Variants in C11orf16 observed in about 807,000 individuals in gnomAD.
The protein encoded by C11orf16 is uncharacterized protein C11orf16.
A neutral mutation model predicts 45.1 loss-of-function variants in C11orf16; 38 were observed. That is an observed-to-expected ratio of 0.84 (90% CI 0.65 to 1.10). C11orf16 has a LOEUF of 1.10. C11orf16 is among the 50% of genes least tolerant of loss of function. The pLI is 0.00. For missense variants in C11orf16, 583 were observed against 569.5 expected (o/e 1.02, Z -0.24); for synonymous variants, 221 against 222.0 (o/e 1.00, Z 0.04).
At chr11:8,922,070 G>A (rs1166516853) in intron 5 of C11orf16, among the ~76,000 whole-genome samples, 1 of 152,244 alleles carries the variant, frequency 6.6e-6, no homozygotes, top group Non-Finnish European at 1.5e-5. Flanking sequence ...GAGTTGTGAA[G>A]AAGTTATTGG....
intron 5 of C11orf16, among the ~76,000 whole-genome samples, chr11:8,923,275 C>G (rs960455694): frequency 6.6e-6 from 1 of 152,150 alleles, no homozygotes; most frequent in African/African-American, 2.4e-5. Flanking sequence ...GAGCAAGTCA[C>G]AGCAATGGGA....
At chr11:8,925,077 T>C (rs2134833120) in intron 5 of C11orf16, among the ~76,000 whole-genome samples, 1 of 152,210 alleles carries the variant, frequency 6.6e-6, no homozygotes, top group Admixed American at 6.5e-5. Flanking sequence ...GTGCATCAAC[T>C]CTGATCAACA....
intron 6 of C11orf16, among the ~76,000 whole-genome samples, 169 bp from the exon 7 acceptor site, chr11:8,920,619 A>G (rs922372200): frequency 6.6e-6 from 1 of 152,216 alleles, no homozygotes; most frequent in African/African-American, 2.4e-5. Flanking sequence ...CCTAGTAATC[A>G]AGACCAGCCT....
At position 8,925,606 on chromosome 11, in the gene C11orf16, C is replaced by T. The variant is rs2064604552; in HGVS notation, c.1061G>A (p.Gly354Asp). 1.2e-6 allele frequency: 2 copies of T among 1,614,246 alleles called. No individual in the cohort carries two copies. Among genetic ancestry groups the T allele is most frequent in the African/African-American group, 1.3e-5 (1 of 75,068 alleles). The change falls in exon 5 of 7, where the codon GGC becomes GAC. Residue 354 changes from glycine to aspartate, a missense_variant. By Grantham distance (94) the Gly-to-Asp change is moderately conservative. Transcript: ENST00000326053. ...GTTCACCATCAGTCTCTGGGGAGGG[C>T]CCATCTCCAGATCATTCTCCACACC... ...QDGVENDLEM[G>D]PPQRLMVNSA...
rs555045528 is a variant in C11orf16 at position 8,931,119 on chromosome 11, C to T, written c.167+1023G>A. On this transcript the variant is annotated intron_variant, in intron 2 of 6. Transcript: ENST00000326053. Reference sequence around the variant, plus strand: ...GACTGAGGATCCTATTCAGGAAAATCCTGGACAAAGGAGGGGTACCGAGGG... The same window carrying T: ...GACTGAGGATCCTATTCAGGAAAATTCTGGACAAAGGAGGGGTACCGAGGG... 1.7e-3 allele frequency among the ~76,000 whole-genome samples: 254 copies of T among 152,220 alleles called. 2 individuals are homozygous for T. The highest frequency in any genetic ancestry group is 0.015 in the South Asian group (73 of 4,820).
chr11:8,920,283 A>G lies in C11orf16; in HGVS notation c.*190T>C. 2 of 487,840 alleles carry G rather than the reference A, an allele frequency of 4.1e-6. No individual in the cohort carries two copies. The highest frequency in any genetic ancestry group is 2.0e-5 in the African/African-American group (1 of 49,642). The allele number at this position is 487,840 out of a possible 1,614,324, so 30.2% of individuals were successfully genotyped here. ...ATCCCACATTCCTATAGCCCTCACA[A>G]CAGGTGCCTTCCTGCTGCTTATCTG... is the stretch of plus-strand genomic sequence containing the variant. On this transcript the variant is annotated 3_prime_UTR_variant, in exon 7 of 7. Transcript: ENST00000326053.
chr11:8,931,293 G>C (rs1249259099), intron 2 of C11orf16, among the ~76,000 whole-genome samples: 1 of 151,958 alleles, frequency 6.6e-6, no homozygotes, highest in Admixed American at 6.5e-5. Context: ...GCGCTGTCTC[G>C]GCTCACTGCA....
chr11:8,924,386 C>A (rs1589932319), intron 5 of C11orf16, among the ~76,000 whole-genome samples: 3 of 152,132 alleles, frequency 2.0e-5, no homozygotes, highest in Non-Finnish European at 4.4e-5. Context: ...GTTAGCCAGG[C>A]ATGGTGGCAT....
chr11:8,925,646 A>T lies in C11orf16; in HGVS notation c.1021T>A (p.Ser341Thr), dbSNP rs758672166. Residue 341 changes from serine (S) to threonine (T), a missense_variant, in exon 5 of 7, where the codon TCC becomes ACC. Physicochemically the swap from Ser to Thr is moderately conservative, Grantham distance 58. Transcript: ENST00000326053. ...TTCTCCACACCGTCTTGTTCACAGG[A>T]GGAGGATGAGGAGGAAGAAACAGCC... ...PLAVSSSSSS[S>T]CEQDGVENDL... 13 of 1,614,072 alleles carry T rather than the reference A, an allele frequency of 8.1e-6. No homozygotes were observed. The highest frequency in any genetic ancestry group is 3.3e-4 in the Middle Eastern group (2 of 6,084).
At chr11:8,928,405 A>G (rs1368674855) in intron 3 of C11orf16, among the ~76,000 whole-genome samples, 2 of 152,042 alleles carry the variant, frequency 1.3e-5, no homozygotes, top group Non-Finnish European at 2.9e-5. Flanking sequence ...ACCAGCACAC[A>G]CCCATGCATG....
chr11:8,927,525 C>T (rs1243194370), intron 3 of C11orf16: 1 of 446,756 alleles, frequency 2.2e-6, no homozygotes, highest in Non-Finnish European at 4.5e-6. Flanking sequence ...TGGACCTTTT[C>T]TCAATGCAAT....
intron 1 of C11orf16, among the ~76,000 whole-genome samples, 191 bp downstream of exon 1, chr11:8,932,710 G>A (rs1321647330): frequency 6.6e-6 from 1 of 152,026 alleles, no homozygotes; most frequent in African/African-American, 2.4e-5. Flanking sequence ...CCTCCTCCCC[G>A]GCCACCTACA....
intron 5 of C11orf16, among the ~76,000 whole-genome samples, chr11:8,922,691 C>T (rs751484680): frequency 1.3e-5 from 2 of 152,184 alleles, no homozygotes; most frequent in East Asian, 3.8e-4. Context: ...CATCAGCACT[C>T]GACAGAACGG....
rs1452184763 is a variant in C11orf16, at chr11:8,921,296, A to G, written c.*20T>C. 1.9e-6 allele frequency: 3 copies of G among 1,613,536 alleles called. No individual in the cohort carries two copies. Among genetic ancestry groups the G allele is most frequent in the African/African-American group, 1.3e-5 (1 of 75,028 alleles). On this transcript the variant is annotated splice_region_variant and 3_prime_UTR_variant, in exon 6 of 7. Coordinates refer to ENST00000326053, the MANE Select transcript of C11orf16 (RefSeq NM_020643.3). The stretch of plus-strand genomic sequence containing the variant: ...CCTTTCCAGCCATTCTGCTTTACCT[A>G]GATCCTCAGGGCTCTTAGTCTAACG...
rs1053304360 is a variant in C11orf16, at chr11:8,927,159, C to A, written c.340G>T (p.Val114Phe). The A allele has an allele frequency of 2.5e-6, 4 of 1,613,180 alleles. No individual in the cohort carries two copies. The highest frequency in any genetic ancestry group is 2.2e-5 in the East Asian group (1 of 44,892). Reference sequence around the variant, plus strand: ...GGAGCCTCGAATTCCACAAGCAGGACCCCCTGTCTCTCCAGCTGTGGGAAA... The same window carrying A: ...GGAGCCTCGAATTCCACAAGCAGGAACCCCTGTCTCTCCAGCTGTGGGAAA... Reference protein sequence around the residue: ...KATPELERQGVLLVEFEAPLV... With the variant: ...KATPELERQGFLLVEFEAPLV... Residue 114 changes from valine (V) to phenylalanine (F), a missense_variant, in exon 4 of 7, where the codon GTC becomes TTC. Coordinates refer to ENST00000326053, the MANE Select transcript of C11orf16 (RefSeq NM_020643.3).
At chr11:8,927,254 C>T in intron 3 of C11orf16, 80 bp from the exon 4 acceptor site, 1 of 1,122,352 alleles carries the variant, frequency 8.9e-7, no homozygotes, top group South Asian at 1.4e-5. Flanking sequence ...TACGATGCCC[C>T]CCAAATCAGG....
chr11:8,920,565 TA>T, intron 6 of C11orf16, 115 bp from the exon 7 acceptor site: 1 of 536,978 alleles, frequency 1.9e-6, no homozygotes, highest in East Asian at 3.3e-5. Context: ...CTCATACCTG[TA>T]ATCCCAACAT....
At position 8,925,749 on chromosome 11, in the gene C11orf16, A is replaced by G; in HGVS notation, c.918T>C (p.Leu306=). 1.2e-6 allele frequency: 2 copies of G among 1,614,232 alleles called. No individual in the cohort carries two copies. Among genetic ancestry groups the G allele is most frequent in the Non-Finnish European group, 1.7e-6 (2 of 1,180,030 alleles). Reference sequence around the variant, plus strand: ...GCTGTGCTGTGGGCTCCAACTCTGGAAGTTCTCTGGCCATGACTTCTGAGG... The same window carrying G: ...GCTGTGCTGTGGGCTCCAACTCTGGGAGTTCTCTGGCCATGACTTCTGAGG... The part of the protein sequence containing the change: ...TRTSEVMARE[L]PELEPTAQLL... The change falls in exon 5 of 7, where the codon CTT becomes CTC. Residue 306 remains leucine (L), a synonymous_variant. Transcript: ENST00000326053.
In C11orf16 at chr11:8,925,330, A is replaced by T. The variant is rs562771806; in HGVS notation, c.1204+133T>A. 8.4e-6 allele frequency: 7 copies of T among 831,226 alleles called. No individual in the cohort carries two copies. In the South Asian group the frequency reaches 8.8e-5, roughly 10 times the overall value. The allele number at this position is 831,226 out of a possible 1,614,324, so 51.5% of individuals were successfully genotyped here. A position where few individuals can be genotyped will look rare whatever the true frequency, so the allele number is the denominator to read the frequency against. Reference sequence around the variant, plus strand: ...TTGCCACAGCCTCCTCTTCAGCATGACCAGACTCCCAAGGATTACTGCAGT... The same window carrying T: ...TTGCCACAGCCTCCTCTTCAGCATGTCCAGACTCCCAAGGATTACTGCAGT... On this transcript the variant is annotated intron_variant, in intron 5 of 6. Coordinates refer to ENST00000326053, the MANE Select transcript of C11orf16 (RefSeq NM_020643.3).
Sources: gnomAD v4.1 joint callset for allele counts (sites outside exome capture counted in the v4.1 genomes callset) on GRCh38, gnomAD v4.1.1 for gene constraint, MANE v1.5 for transcripts, NCBI Gene and HGNC (gene_info 2026-07-23, HGNC 2026-07-21) for gene names.